Variants in TRERF1 observed in about 807,000 individuals in gnomAD.
The protein encoded by TRERF1 is transcriptional-regulating factor 1.
A neutral mutation model predicts 122.9 loss-of-function variants in TRERF1; 27 were observed. That is an observed-to-expected ratio of 0.22 (90% CI 0.16 to 0.30). The LOEUF is 0.30. Ranked by LOEUF, TRERF1 falls within the 10% of genes least tolerant of loss-of-function variation. The probability of loss-of-function intolerance (pLI) is 1.00; values close to 1 mark genes in which losing one functional copy is unlikely to be tolerated. For synonymous variants in TRERF1, 636 were observed against 641.7 expected (o/e 0.99, Z 0.13); for missense variants, 1,248 against 1,560.3 (o/e 0.80, Z 3.37).
intron 2 of TRERF1, among the ~76,000 whole-genome samples, chr6:42,373,994 G>T (rs192779314): frequency 1.3e-5 from 2 of 151,722 alleles, no homozygotes; most frequent in Non-Finnish European, 2.9e-5. Flanking sequence ...TTAGCTGGGC[G>T]TGGTGGCACG....
At chr6:42,442,760 G>C (rs1331661671) in intron 2 of TRERF1, among the ~76,000 whole-genome samples, 1 of 152,144 alleles carries the variant, frequency 6.6e-6, no homozygotes, top group Non-Finnish European at 1.5e-5. Flanking sequence ...TGGTTTCCAC[G>C]ATCTTTTACA....
chr6:42,396,337 C>A (rs904759913), intron 2 of TRERF1, among the ~76,000 whole-genome samples: 1 of 152,116 alleles, frequency 6.6e-6, no homozygotes, highest in African/African-American at 2.4e-5. Flanking sequence ...GCCCCCACCC[C>A]TCCTCCCACC....
intron 3 of TRERF1, among the ~76,000 whole-genome samples, chr6:42,342,185 C>T (rs565008277): frequency 4.6e-5 from 7 of 152,344 alleles, no homozygotes; most frequent in South Asian, 2.1e-4. Context: ...AAGCCCAACA[C>T]GCAGTTGCTG....
At chr6:42,420,660 A>G (rs1311387186) in intron 2 of TRERF1, among the ~76,000 whole-genome samples, 1 of 152,228 alleles carries the variant, frequency 6.6e-6, no homozygotes, top group African/African-American at 2.4e-5. Flanking sequence ...AAAATCAGGA[A>G]ACTTATTAAA....
intron 4 of TRERF1, among the ~76,000 whole-genome samples, chr6:42,288,229 C>T (rs920309438): frequency 6.6e-6 from 1 of 151,916 alleles, no homozygotes; most frequent in African/African-American, 2.4e-5. Context: ...GTGTGCATGT[C>T]AGCCAGAGAC....
At chr6:42,417,343 A>C (rs1781986709) in intron 2 of TRERF1, among the ~76,000 whole-genome samples, 1 of 46,948 alleles carries the variant, frequency 2.1e-5, no homozygotes, top group Non-Finnish European at 5.2e-5. Flanking sequence ...CACTCCACTC[A>C]CTCCAAATCC....
chr6:42,283,429 T>C (rs1230275542), intron 4 of TRERF1, among the ~76,000 whole-genome samples: 2 of 152,146 alleles, frequency 1.3e-5, no homozygotes, highest in African/African-American at 4.8e-5. Flanking sequence ...AAAGAAAATC[T>C]GGAAGGATCC....
rs572408738 is a variant in TRERF1, at chr6:42,268,582, G to C, written c.1009C>G (p.Gln337Glu). The C allele has an allele frequency of 1.2e-4, 195 of 1,614,076 alleles. 1 individual carries two copies. In the South Asian group the frequency reaches 1.9e-3, roughly 16 times the overall value. ...TGCATCTGTTGCTGCTGCTGCTCTT[G>C]CAAGTGCTGCATCATGGGTTGGGGC... The change falls in exon 5 of 18, where the codon CAA becomes GAA. Residue 337 changes from glutamine (Q) to glutamate (E), a missense_variant. By Grantham distance (29) the Gln-to-Glu change is conservative (BLOSUM62 2). Coordinates refer to ENST00000372922, the Ensembl canonical transcript of TRERF1. This position sits in a 1 kb window ranked among gnomAD's most constrained non-coding sequence, Gnocchi z 4.4.
Position 42,265,739 on chromosome 6 carries a change from C to T in TRERF1, c.1484+12G>A. The stretch of plus-strand genomic sequence containing the variant: ...GTCTCCCAAAATACCAACAAGGTTC[C>T]ACTCATCCTACCTTGACTCAGGGGA... On this transcript the variant is annotated intron_variant, in intron 6 of 17. Coordinates refer to ENST00000372922, the Ensembl canonical transcript of TRERF1. The T allele has an allele frequency of 1.9e-6, 3 of 1,612,244 alleles. No individual in the cohort carries two copies. The highest frequency in any genetic ancestry group is 4.5e-5 in the East Asian group (2 of 44,856).
rs1781233747 is a variant in TRERF1 at position 42,276,849 on chromosome 6, C to G, written c.-258-7001G>C. ...TTCATTTCTCTACCCTCAGGTCTCA[C>G]CCTGTAGCATCAGTTGCTCCCTCCA... On this transcript the variant is annotated intron_variant, in intron 4 of 17. Transcript: ENST00000372922. This position sits in a 1 kb window ranked among gnomAD's most constrained non-coding sequence, Gnocchi z 4.3. Among the ~76,000 whole-genome samples the G allele has an allele frequency of 6.6e-6, 1 of 152,176 alleles. No homozygotes were observed. The highest frequency in any genetic ancestry group is 1.5e-5 in the Non-Finnish European group (1 of 68,038).
chr6:42,307,689 G>GA (rs34629644), intron 3 of TRERF1, among the ~76,000 whole-genome samples: 11,861 of 122,308 alleles, frequency 0.097, 1,417 homozygotes, highest in African/African-American at 0.29. Flanking sequence ...GTAAATGTAT[G>GA]AAAAAAAAAA....
At chr6:42,319,110 C>A (rs1762972281) in intron 3 of TRERF1, among the ~76,000 whole-genome samples, 1 of 151,940 alleles carries the variant, frequency 6.6e-6, no homozygotes, top group Non-Finnish European at 1.5e-5. Context: ...GTTTCTCCAC[C>A]TTTTCTTCAT....
At chr6:42,282,101 G>C (rs1782402668) in intron 4 of TRERF1, among the ~76,000 whole-genome samples, 1 of 152,244 alleles carries the variant, frequency 6.6e-6, no homozygotes, top group Non-Finnish European at 1.5e-5. Context: ...GGTTAAAGCA[G>C]AGACTCATAG....
chr6:42,361,945 G>C (rs1343900501), intron 3 of TRERF1, among the ~76,000 whole-genome samples: 1 of 152,126 alleles, frequency 6.6e-6, no homozygotes, highest in East Asian at 1.9e-4. Flanking sequence ...GCTCCTTCCT[G>C]GCCATGCTGC....
At chr6:42,379,160 C>T (rs1328276175) in intron 2 of TRERF1, among the ~76,000 whole-genome samples, 2 of 151,914 alleles carry the variant, frequency 1.3e-5, no homozygotes, top group Non-Finnish European at 2.9e-5. Context: ...GTACCACCCC[C>T]CACAGTCTTT....
At chr6:42,335,860 AT>A (rs1347897605) in intron 3 of TRERF1, among the ~76,000 whole-genome samples, 1 of 152,048 alleles carries the variant, frequency 6.6e-6, no homozygotes, top group Non-Finnish European at 1.5e-5. Context: ...GCTTGACATT[AT>A]TTACTTGCCT....
chr6:42,361,415 T>C lies in TRERF1; in HGVS notation c.-371+1582A>G, dbSNP rs1160475462. On this transcript the variant is annotated intron_variant, in intron 3 of 17. Transcript: ENST00000372922. The stretch of plus-strand genomic sequence containing the variant: ...GCACTTACTCAGATTTTGTTTTATG[T>C]TGTTTTTTGGGTTTTTTTGTTTGTT... Among the ~76,000 whole-genome samples the C allele has an allele frequency of 2.1e-5, 3 of 141,456 alleles. No individual in the cohort carries two copies. The South Asian group carries it at 7.6e-4, about 36-fold the overall frequency. 92.8% of individuals were successfully genotyped at this position (141,456 alleles called of 152,430 possible).
At chr6:42,402,218 A>G (rs1562140713) in intron 2 of TRERF1, among the ~76,000 whole-genome samples, 7 of 151,946 alleles carry the variant, frequency 4.6e-5, no homozygotes. Flanking sequence ...CATAAAAAGG[A>G]TTTTCTATGT....
At chr6:42,358,849 T>C (rs1369047206) in intron 3 of TRERF1, among the ~76,000 whole-genome samples, 1 of 146,506 alleles carries the variant, frequency 6.8e-6, no homozygotes, top group Non-Finnish European at 1.5e-5. Flanking sequence ...TGAGAACCAC[T>C]AGTTTACAGC....
Sources: gnomAD v4.1 joint callset for allele counts (sites outside exome capture counted in the v4.1 genomes callset) on GRCh38, gnomAD v4.1.1 for gene constraint, Gnocchi (gnomAD v3.1) non-coding constraint, MANE v1.5 for transcripts, NCBI Gene and HGNC (gene_info 2026-07-23, HGNC 2026-07-21) for gene names.